Variants in AATK observed in about 807,000 individuals in gnomAD.
AATK encodes the protein lemur tail kinase 1.
A neutral mutation model predicts 114.3 loss-of-function variants in AATK; 91 were observed. That is an observed-to-expected ratio of 0.80 (90% CI 0.67 to 0.95). The LOEUF (loss-of-function observed/expected upper bound fraction) is 0.95, where lower values mean the gene tolerates loss of function less well. Among genes scored for constraint, AATK ranks in the 40% least tolerant of loss-of-function variants. The pLI is 0.00. For synonymous variants in AATK, 1,075 were observed against 916.5 expected (o/e 1.17, Z -3.12); for missense variants, 2,176 against 1,965.2 (o/e 1.11, Z -2.03).
At chr17:81,160,072 G>T (rs2061412207) in intron 1 of AATK, among the ~76,000 whole-genome samples, 1 of 152,132 alleles carries the variant, frequency 6.6e-6, no homozygotes, top group Admixed American at 6.5e-5. Flanking sequence ...GGGGCAGGTG[G>T]CCCCGGCTGC....
At chr17:81,143,100 G>A (rs990025011) in intron 1 of AATK, among the ~76,000 whole-genome samples, 16 of 152,182 alleles carry the variant, frequency 1.1e-4, no homozygotes, top group South Asian at 2.1e-4. Flanking sequence ...GCCGGCACAC[G>A]GCCTTCCCTC....
Position 81,166,105 on chromosome 17 carries a change from G to C in AATK, c.-113C>G. ...GGCCGCCGCAGGTGCGGAGCGCGCC[G>C]GCCCCCGCGCCCCGCGCCCCCCGCC... On this transcript the variant is annotated 5_prime_UTR_variant, in exon 1 of 14. Transcript: ENST00000326724. 1.7e-6 allele frequency: 1 copy of C among 573,762 alleles called. No homozygotes were observed. Among genetic ancestry groups the C allele is most frequent in the Non-Finnish European group, 2.2e-6 (1 of 457,076 alleles). The allele number at this position is 573,762 out of a possible 1,614,324, so 35.5% of individuals were successfully genotyped here.
chr17:81,148,774 G>A (rs1399886572), intron 1 of AATK, among the ~76,000 whole-genome samples: 1 of 151,700 alleles, frequency 6.6e-6, no homozygotes, highest in Non-Finnish European at 1.5e-5. Flanking sequence ...TCCCACTCAC[G>A]CTCACTCATG....
intron 1 of AATK, among the ~76,000 whole-genome samples, chr17:81,140,712 A>G (rs1598949047): frequency 4.7e-5 from 3 of 64,192 alleles, no homozygotes; most frequent in African/African-American, 7.0e-5. Context: ...TGGGGCGGTG[A>G]GACCGTGGGG....
chr17:81,164,941 C>G (rs757192451), intron 1 of AATK, among the ~76,000 whole-genome samples: 17 of 152,242 alleles, frequency 1.1e-4, no homozygotes, highest in African/African-American at 2.7e-4. Flanking sequence ...AGATCTGCCC[C>G]GGGGACCCCC....
At chr17:81,123,896 C>A (rs1037899452) in intron 9 of AATK, among the ~76,000 whole-genome samples, 2 of 152,170 alleles carry the variant, frequency 1.3e-5, no homozygotes, top group Non-Finnish European at 2.9e-5. Context: ...CCCTGGCTGT[C>A]CCAAGAGGCT....
At position 81,119,924 on chromosome 17, in the gene AATK, G is replaced by A. The variant is rs1457597709; in HGVS notation, c.3883+12C>T. 6 of 1,425,324 alleles carry A rather than the reference G, an allele frequency of 4.2e-6. No individual in the cohort carries two copies. The highest frequency in any genetic ancestry group is 1.5e-5 in the South Asian group (1 of 66,098). 88.3% of individuals were successfully genotyped at this position (1,425,324 alleles called of 1,614,324 possible). ...CCCGTGACGTCACGGGCCCAGCCCC[G>A]CCCCTGCTCACCCTCTTCCGCTGTG... On this transcript the variant is annotated intron_variant, in intron 12 of 13. Coordinates refer to ENST00000326724, the MANE Select transcript of AATK (RefSeq NM_001080395.3).
intron 7 of AATK, 125 bp from the exon 8 acceptor site, chr17:81,125,139 A>G (rs1212257688): frequency 1.2e-6 from 1 of 828,034 alleles, no homozygotes; most frequent in East Asian, 2.7e-5. Flanking sequence ...CTTTGCCAAC[A>G]CTTGGATGGC....
At chr17:81,123,883 G>A (rs1395019349) in intron 9 of AATK, among the ~76,000 whole-genome samples, 1 of 152,148 alleles carries the variant, frequency 6.6e-6, no homozygotes, top group South Asian at 2.1e-4. Context: ...CAGCCACTTT[G>A]GTCCCTGGCT....
chr17:81,123,128 T>G (rs1487670800), intron 10 of AATK, 66 bp downstream of exon 10: 1 of 1,371,562 alleles, frequency 7.3e-7, no homozygotes, highest in East Asian at 3.0e-5. Flanking sequence ...GTGAGCCGCC[T>G]CTGCCTGGGG....
rs1425366781 is a variant in AATK at position 81,120,052 on chromosome 17, A to G, written c.3767T>C (p.Phe1256Ser). 1.4e-6 allele frequency: 2 copies of G among 1,456,640 alleles called. No individual in the cohort carries two copies. The highest frequency in any genetic ancestry group is 1.8e-6 in the Non-Finnish European group (2 of 1,101,924). 90.2% of individuals were successfully genotyped at this position (1,456,640 alleles called of 1,614,324 possible). The change falls in exon 12 of 14, where the codon TTC (phenylalanine) becomes TCC (serine). Residue 1256 changes from phenylalanine to serine, a missense_variant. By Grantham distance (155) the Phe-to-Ser change is radical. Transcript: ENST00000326724. ...AGGGGGCGATTCCTTGGCGCCCGGGAAGGGCTCCCCGAGCTCCCGGGTGGG... is the reference window on the plus strand; with the variant it reads ...AGGGGGCGATTCCTTGGCGCCCGGGGAGGGCTCCCCGAGCTCCCGGGTGGG... Reference protein sequence around the residue: ...ESPTRELGEPFPGAKESPPTF... With the variant: ...ESPTRELGEPSPGAKESPPTF...
rs1356840488 is a variant in AATK at position 81,122,185 on chromosome 17, A to T, written c.1751T>A (p.Val584Asp). Residue 584 changes from valine to aspartate, a missense_variant, in exon 11 of 14, where the codon GTC (valine) becomes GAC (aspartate). By Grantham distance (152) the Val-to-Asp change is radical (BLOSUM62 -3). Transcript: ENST00000326724. ...MEPLLGHGPPVDVPWGRGDHY... is the reference protein window; with the variant it reads ...MEPLLGHGPPDDVPWGRGDHY... ...GTCGCCGCGGCCCCAGGGGACGTCGACGGGTGGCCCGTGGCCCAGCAGCGG... is the reference window on the plus strand; with the variant it reads ...GTCGCCGCGGCCCCAGGGGACGTCGTCGGGTGGCCCGTGGCCCAGCAGCGG... The T allele has an allele frequency of 2.7e-6, 4 of 1,508,172 alleles. No homozygotes were observed. The highest frequency in any genetic ancestry group is 3.5e-6 in the Non-Finnish European group (4 of 1,129,632). The allele number at this position is 1,508,172 out of a possible 1,614,324, so 93.4% of individuals were successfully genotyped here.
In AATK at chr17:81,122,599, G is replaced by A. The variant is rs531974842; in HGVS notation, c.1337C>T (p.Ser446Phe). ...CGCGAACTGCTCCAGCAGCGGGAAG[G>A]ACGAGGCAGCGGCGAGCTCCACCAC... ...GGVVELAAASSFPLLEQFAGD... is the reference protein window; with the variant it reads ...GGVVELAAASFFPLLEQFAGD... The change falls in exon 11 of 14, where the codon TCC (serine) becomes TTC (phenylalanine). Residue 446 changes from serine (S) to phenylalanine (F), a missense_variant. Ser to Phe is a radical substitution (Grantham distance 155). This residue lies in a region of AATK where 1,701 missense variants were observed against 1,394.7 expected (regional missense o/e 1.22). Coordinates refer to ENST00000326724, the MANE Select transcript of AATK (RefSeq NM_001080395.3). The A allele has an allele frequency of 1.8e-4, 252 of 1,434,176 alleles. No individual in the cohort carries two copies. Among genetic ancestry groups the A allele is most frequent in the Non-Finnish European group, 2.2e-4 (237 of 1,083,938 alleles). 88.8% of individuals were successfully genotyped at this position (1,434,176 alleles called of 1,614,324 possible).
chr17:81,125,455 G>A, intron 7 of AATK: 1 of 395,036 alleles, frequency 2.5e-6, no homozygotes, highest in Admixed American at 3.1e-5. Context: ...CCGGCTGCCG[G>A]AGTCCAGTTT....
rs183158518 is a variant in AATK, at chr17:81,146,323, T to C, written c.56-11822A>G. Among the ~76,000 whole-genome samples the C allele has an allele frequency of 4.6e-5, 7 of 152,038 alleles. 1 individual carries two copies. In the East Asian group the frequency reaches 5.8e-4, roughly 13 times the overall value. On this transcript the variant is annotated intron_variant, in intron 1 of 13. Transcript: ENST00000326724. ...TTGCAGTGAGCCAAGATTGAGCCACTGGACCGCAGCCTGGGTGACAGAGAG... is the reference window on the plus strand; with the variant it reads ...TTGCAGTGAGCCAAGATTGAGCCACCGGACCGCAGCCTGGGTGACAGAGAG...
chr17:81,129,114 C>A (rs992522054), intron 3 of AATK, among the ~76,000 whole-genome samples: 1 of 152,230 alleles, frequency 6.6e-6, no homozygotes, highest in Non-Finnish European at 1.5e-5. Context: ...CCAGCGCTGG[C>A]AGAGCCCACT....
At chr17:81,131,932 G>A (rs1196913575) in intron 2 of AATK, 2 of 1,344,644 alleles carry the variant, frequency 1.5e-6, no homozygotes, top group Admixed American at 2.0e-5. Context: ...AGCAGCCTTG[G>A]ACCTTCACCT....
chr17:81,134,650 A>C, intron 1 of AATK, 149 bp from the exon 2 acceptor site: 18 of 1,055,190 alleles, frequency 1.7e-5, no homozygotes, highest in Non-Finnish European at 2.0e-5. Flanking sequence ...CCCACACCTC[A>C]CAGTGTGGCG....
chr17:81,126,355 G>A lies in AATK; in HGVS notation c.755+72C>T, dbSNP rs1225214854. On this transcript the variant is annotated intron_variant, in intron 7 of 13. Transcript: ENST00000326724. This position sits in a 1 kb window ranked among gnomAD's most constrained non-coding sequence, Gnocchi z 5.1. ...TCGCAAGCCCCCTGAGGCAGGACCC[G>A]CCCTATGCCCTTCCTTCAGGGGAGG... 31 of 1,499,654 alleles carry A rather than the reference G, an allele frequency of 2.1e-5. No homozygotes were observed. Among genetic ancestry groups the A allele is most frequent in the Middle Eastern group, 2.3e-4 (1 of 4,286 alleles). The allele number at this position is 1,499,654 out of a possible 1,614,324, so 92.9% of individuals were successfully genotyped here.
Sources: allele counts gnomAD v4.1 joint callset (sites outside exome capture counted in the v4.1 genomes callset), GRCh38; gene constraint gnomAD v4.1.1; regional missense constraint gnomAD v4.1.1; non-coding constraint Gnocchi (gnomAD v3.1); transcripts MANE v1.5; gene names NCBI Gene and HGNC (gene_info 2026-07-23, HGNC 2026-07-21).